The following UNC79 variants were observed in gnomAD, a reference collection of about 807,000 sequenced individuals.
UNC79 encodes unc-79 subunit of NALCN channel complex.
In UNC79, 37 loss-of-function variants were observed where a neutral mutation model predicts 283.1. The ratio of observed to expected loss-of-function variants is 0.13; its 90% confidence interval spans 0.10 to 0.17. The LOEUF is 0.17. Among genes scored for constraint, UNC79 ranks in the 10% least tolerant of loss-of-function variants. The pLI is 1.00. For missense variants in UNC79, 2,272 were observed against 3,211.1 expected (o/e 0.71, Z 7.07); for synonymous variants, 1,107 against 1,200.2 (o/e 0.92, Z 1.61).
chr14:93,477,472 A>C (rs2057868919), intron 3 of UNC79, 86 bp from the exon 4 acceptor site: 1 of 1,142,190 alleles, frequency 8.8e-7, no homozygotes, highest in African/African-American at 1.6e-5. Flanking sequence ...AACTTAAACC[A>C]GTTCATTAAA....
At chr14:93,639,297 G>A (rs114593851) in intron 32 of UNC79, among the ~76,000 whole-genome samples, 161 of 152,260 alleles carry the variant, frequency 1.1e-3, no homozygotes, top group African/African-American at 3.7e-3. Context: ...TCTGACATCT[G>A]GTCAATGTGG....
chr14:93,532,591 C>A lies in UNC79; in HGVS notation c.1122+13C>A. ...ATGTCAGAAAAAGGTAAGAGCAAACCATTTGTGTCGTTGGGGCATGATTTA... is the reference window on the plus strand; with the variant it reads ...ATGTCAGAAAAAGGTAAGAGCAAACAATTTGTGTCGTTGGGGCATGATTTA... On this transcript the variant is annotated intron_variant, in intron 11 of 48. Coordinates refer to ENST00000555664, the Ensembl canonical transcript of UNC79. 1.2e-6 allele frequency: 2 copies of A among 1,609,982 alleles called. No homozygotes were observed. The highest frequency in any genetic ancestry group is 1.7e-6 in the Non-Finnish European group (2 of 1,177,786).
At chr14:93,645,915 G>A (rs2069549176) in intron 34 of UNC79, among the ~76,000 whole-genome samples, 1 of 152,062 alleles carries the variant, frequency 6.6e-6, no homozygotes, top group Non-Finnish European at 1.5e-5. Context: ...TCTTACACCT[G>A]TAGTCCTAAT....
At chr14:93,364,239 T>C (rs1270670943) in intron 1 of UNC79, among the ~76,000 whole-genome samples, 1 of 152,142 alleles carries the variant, frequency 6.6e-6, no homozygotes. Flanking sequence ...AAAGACCTTC[T>C]TGTGCCCTCT....
At chr14:93,497,198 G>A in exon 7 of UNC79, 1 of 1,613,552 alleles carries the variant, frequency 6.2e-7, no homozygotes, top group Non-Finnish European at 8.5e-7. Flanking sequence ...CACAAGTGAA[G>A]CCTCCAGCTG....
intron 17 of UNC79, 131 bp from the exon 18 acceptor site, chr14:93,577,708 GTAC>G (rs2063551731): frequency 3.8e-6 from 3 of 797,348 alleles, no homozygotes; most frequent in Middle Eastern, 2.4e-4. Context: ...GTATTTGGAG[GTAC>G]TAATGCCATT....
chr14:93,368,061 G>C (rs1026969449), intron 1 of UNC79, among the ~76,000 whole-genome samples: 2 of 152,172 alleles, frequency 1.3e-5, no homozygotes, highest in Non-Finnish European at 2.9e-5. Flanking sequence ...TTCTCAGAGT[G>C]ATTCTGCTAT....
intron 19 of UNC79, among the ~76,000 whole-genome samples, chr14:93,581,248 A>T (rs1158298538): frequency 6.6e-6 from 1 of 151,558 alleles, no homozygotes; most frequent in Non-Finnish European, 1.5e-5. Flanking sequence ...TGTGATCATG[A>T]ATAGCTGCAG....
chr14:93,368,856 T>C (rs117925063), intron 1 of UNC79, among the ~76,000 whole-genome samples: 2 of 152,318 alleles, frequency 1.3e-5, no homozygotes, highest in African/African-American at 2.4e-5. Flanking sequence ...TGTAAACAAG[T>C]GAACCTGAAA....
At chr14:93,360,453 G>T (rs1026850315) in intron 1 of UNC79, among the ~76,000 whole-genome samples, 1 of 152,190 alleles carries the variant, frequency 6.6e-6, no homozygotes, top group African/African-American at 2.4e-5. Flanking sequence ...ACCAAGTGGT[G>T]ACTCCAATGG....
intron 13 of UNC79, 64 bp downstream of exon 13, chr14:93,540,895 G>A (rs1261428628): frequency 1.3e-6 from 2 of 1,598,242 alleles, no homozygotes; most frequent in African/African-American, 1.4e-5. Context: ...GTACTGAAGA[G>A]GAATTTCTCC....
At chr14:93,426,913 C>T (rs2055744190), upstream of UNC79, among the ~76,000 whole-genome samples, 1 of 152,052 alleles carries the variant, frequency 6.6e-6, no homozygotes, top group South Asian at 2.1e-4. Context: ...CTTTGTGTGT[C>T]ATGTAAATTT....
intron 48 of UNC79, 113 bp downstream of exon 51, chr14:93,704,779 C>T (rs2075759663): frequency 2.2e-6 from 3 of 1,372,316 alleles, no homozygotes; most frequent in Admixed American, 1.7e-5. Flanking sequence ...TCAACCTGCT[C>T]CTGGCCTTAG....
At chr14:93,407,529 G>A (rs1026474323) in intron 1 of UNC79, among the ~76,000 whole-genome samples, 1 of 152,130 alleles carries the variant, frequency 6.6e-6, no homozygotes, top group Non-Finnish European at 1.5e-5. Flanking sequence ...CATGCCTCTG[G>A]CAGGGGAGAG....
intron 2 of UNC79, among the ~76,000 whole-genome samples, chr14:93,470,872 G>A (rs955341634): frequency 6.6e-6 from 1 of 152,064 alleles, no homozygotes. Context: ...GAAACATCCT[G>A]TGGCCATATT....
intron 1 of UNC79, among the ~76,000 whole-genome samples, chr14:93,401,056 T>C (rs1488479710): frequency 6.6e-6 from 1 of 152,188 alleles, no homozygotes; most frequent in Non-Finnish European, 1.5e-5. Context: ...ATGGTTTATG[T>C]ATGCTGAGTT....
intron 7 of UNC79, among the ~76,000 whole-genome samples, chr14:93,511,373 A>G (rs2059816862): frequency 6.6e-6 from 1 of 152,194 alleles, no homozygotes; most frequent in Non-Finnish European, 1.5e-5. Flanking sequence ...TCTCCTTTAT[A>G]TCAGTTTCAG....
intron 1 of UNC79, among the ~76,000 whole-genome samples, chr14:93,357,128 T>G (rs947436128): frequency 6.6e-6 from 1 of 152,230 alleles, no homozygotes; most frequent in Non-Finnish European, 1.5e-5. Context: ...GCTTCTGCAT[T>G]AATTCACTTA....
chr14:93,408,474 C>G (rs570269180), intron 1 of UNC79, among the ~76,000 whole-genome samples: 2 of 152,250 alleles, frequency 1.3e-5, no homozygotes, highest in African/African-American at 4.8e-5. Flanking sequence ...GGGAAGCTCA[C>G]CTGAGCACAG....
Sources: gnomAD v4.1 joint callset for allele counts (sites outside exome capture counted in the v4.1 genomes callset) on GRCh38, gnomAD v4.1.1 for gene constraint, MANE v1.5 for transcripts, NCBI Gene and HGNC (gene_info 2026-07-23, HGNC 2026-07-21) for gene names.